The following GNPTAB variants were observed in gnomAD, a reference collection of about 807,000 sequenced individuals.
GNPTAB encodes the protein N-acetylglucosamine-1-phosphate transferase subunits alpha and beta.
GNPTAB carries 92 observed loss-of-function variants against 136.6 expected under a neutral mutation model. The observed-to-expected ratio is 0.67, with a 90% confidence interval of 0.57 to 0.80. GNPTAB has a LOEUF of 0.80. Among genes scored for constraint, GNPTAB ranks in the 30% least tolerant of loss-of-function variants. The probability of loss-of-function intolerance (pLI) is 0.00; values close to 1 mark genes in which losing one functional copy is unlikely to be tolerated. For missense variants in GNPTAB, 1,343 were observed against 1,501.8 expected, an observed-to-expected ratio of 0.89 and a Z score of 1.75; for synonymous variants, 512 against 535.1, an observed-to-expected ratio of 0.96 and a Z score of 0.60.
At chr12:101,814,454 T>C (rs1486617290) in intron 1 of GNPTAB, among the ~76,000 whole-genome samples, 1 of 152,126 alleles carries the variant, frequency 6.6e-6, no homozygotes, top group African/African-American at 2.4e-5. Flanking sequence ...TTCCCGCACT[T>C]TGGAAGCCGA....
In GNPTAB at chr12:101,817,866, C is replaced by G. The variant is rs56027102; in HGVS notation, c.117+12693G>C. ...TTGATGTGGGATTTTCACCCCGTCTCCTGTTGCCCGTTTTCCCCCACCTGC... is the reference window on the plus strand; with the variant it reads ...TTGATGTGGGATTTTCACCCCGTCTGCTGTTGCCCGTTTTCCCCCACCTGC... On this transcript the variant is annotated intron_variant, in intron 1 of 20. Transcript: ENST00000299314. Among the ~76,000 whole-genome samples, 1,353 of 152,252 alleles carry G rather than the reference C, an allele frequency of 8.9e-3. 25 individuals are homozygous for G. The highest frequency in any genetic ancestry group is 0.031 in the African/African-American group (1,275 of 41,560).
At chr12:101,762,357 A>C (rs138304022) in intron 13 of GNPTAB, among the ~76,000 whole-genome samples, 19 of 152,360 alleles carry the variant, frequency 1.2e-4, no homozygotes, top group African/African-American at 4.3e-4. Context: ...ACTGATATTA[A>C]CTGGTGTTGG....
chr12:101,775,689 G>A (rs1011315371), intron 7 of GNPTAB, among the ~76,000 whole-genome samples: 1 of 151,568 alleles, frequency 6.6e-6, no homozygotes. Context: ...ACGTCCTGGT[G>A]GTTTTCTAAA....
rs4403858 is a variant in GNPTAB at position 101,771,305 on chromosome 12, A to G, written c.772-148T>C. On this transcript the variant is annotated intron_variant, in intron 7 of 20. Transcript: ENST00000299314. Reference sequence around the variant, plus strand: ...TGTCGCCAGGCTGGAGCGCAGTGGCACGATCTCTGCTCACCTCAACCTCCG... The same window carrying G: ...TGTCGCCAGGCTGGAGCGCAGTGGCGCGATCTCTGCTCACCTCAACCTCCG... The G allele has an allele frequency of 0.58, 408,643 of 701,716 alleles. 123,357 individuals carry two copies. The highest frequency in any genetic ancestry group is 0.89 in the East Asian group (32,288 of 36,416). 43.5% of individuals were successfully genotyped at this position (701,716 alleles called of 1,614,324 possible). A position where few individuals can be genotyped will look rare whatever the true frequency, so the allele number is the denominator to read the frequency against.
At chr12:101,777,507 C>G (rs1350112589) in intron 7 of GNPTAB, among the ~76,000 whole-genome samples, 2 of 152,168 alleles carry the variant, frequency 1.3e-5, no homozygotes, top group African/African-American at 2.4e-5. Context: ...CAGGCTGTTC[C>G]CTCTACATAG....
chr12:101,790,808 C>A (rs1212021528), intron 2 of GNPTAB, among the ~76,000 whole-genome samples: 1 of 151,042 alleles, frequency 6.6e-6, no homozygotes, highest in Non-Finnish European at 1.5e-5. Context: ...CCTAACCCTA[C>A]TTAATGCTGT....
At position 101,794,036 on chromosome 12, in the gene GNPTAB, T is replaced by C. The variant is rs189548573; in HGVS notation, c.203+2641A>G. ...TTTTGTATTTTTGGTAGAGACGGGG[T>C]TTCACTATGTTGGCCAGGCTGGTCT... On this transcript the variant is annotated intron_variant, in intron 2 of 20. Transcript: ENST00000299314. Among the ~76,000 whole-genome samples, 665 of 152,130 alleles carry C rather than the reference T, an allele frequency of 4.4e-3. 2 individuals carry two copies. The highest frequency in any genetic ancestry group is 7.2e-3 in the Non-Finnish European group (492 of 67,996).
At chr12:101,787,015 G>C (rs1868687181) in intron 4 of GNPTAB, among the ~76,000 whole-genome samples, 1 of 152,090 alleles carries the variant, frequency 6.6e-6, no homozygotes, top group African/African-American at 2.4e-5. Context: ...AAAGCAAGTT[G>C]GTAATATATA....
chr12:101,790,347 G>A (rs1313823404), intron 2 of GNPTAB, among the ~76,000 whole-genome samples: 2 of 152,200 alleles, frequency 1.3e-5, no homozygotes, highest in South Asian at 2.1e-4. Flanking sequence ...AAGATTGTTC[G>A]TGGGTGAAGT....
chr12:101,815,047 C>T (rs1870446579), intron 1 of GNPTAB, among the ~76,000 whole-genome samples: 2 of 152,168 alleles, frequency 1.3e-5, no homozygotes, highest in South Asian at 2.1e-4. Flanking sequence ...TTGAAAACTG[C>T]TGGCAGCATC....
At chr12:101,762,458 C>A (rs1344774856) in intron 13 of GNPTAB, among the ~76,000 whole-genome samples, 6 of 152,118 alleles carry the variant, frequency 3.9e-5, no homozygotes, top group African/African-American at 1.2e-4. Flanking sequence ...AAAGTTTATA[C>A]CTGCTAAGCT....
chr12:101,768,310 A>G (rs1953124280), intron 10 of GNPTAB, 150 bp from the exon 11 acceptor site: 4 of 808,174 alleles, frequency 4.9e-6, no homozygotes, highest in Non-Finnish European at 7.9e-6. Context: ...AAGTGCTTTA[A>G]GTTTGCCTGT....
At chr12:101,820,017 T>C (rs1870714415) in intron 1 of GNPTAB, among the ~76,000 whole-genome samples, 1 of 152,156 alleles carries the variant, frequency 6.6e-6, no homozygotes, top group Non-Finnish European at 1.5e-5. Context: ...GCTCACAGGG[T>C]GGTCTCCTGT....
In GNPTAB at chr12:101,830,772, C is replaced by A. The variant is rs1871335324; in HGVS notation, c.-97G>T. 1 of 638,334 alleles carries A rather than the reference C, an allele frequency of 1.6e-6. No individual in the cohort carries two copies. The highest frequency in any genetic ancestry group is 2.0e-5 in the African/African-American group (1 of 51,250). 39.5% of individuals were successfully genotyped at this position (638,334 alleles called of 1,614,324 possible). On this transcript the variant is annotated 5_prime_UTR_variant, in exon 1 of 21. Coordinates refer to ENST00000299314, the MANE Select transcript of GNPTAB (RefSeq NM_024312.5). ...CGCCATTCAGGGGCCCCGGTCGGGC[C>A]GCCGCGCGCAGGTCACAGCCTCCGG...
chr12:101,793,273 A>G (rs573447190), intron 2 of GNPTAB, among the ~76,000 whole-genome samples: 42 of 152,238 alleles, frequency 2.8e-4, no homozygotes, highest in Admixed American at 1.1e-3. Flanking sequence ...CTCATTCCCA[A>G]CCTCCCAGGT....
intron 2 of GNPTAB, among the ~76,000 whole-genome samples, chr12:101,791,760 T>G (rs781694901): frequency 6.6e-6 from 1 of 152,196 alleles, no homozygotes; most frequent in Non-Finnish European, 1.5e-5. Context: ...GGAAAATAAA[T>G]GCTATTTGGT....
At chr12:101,749,838 C>T (rs1027833328) in intron 19 of GNPTAB, among the ~76,000 whole-genome samples, 2 of 152,168 alleles carry the variant, frequency 1.3e-5, no homozygotes, top group East Asian at 3.9e-4. Flanking sequence ...ATGGGGGGAA[C>T]TAAGCCAGGT....
At chr12:101,825,661 C>G (rs553909177) in intron 1 of GNPTAB, among the ~76,000 whole-genome samples, 2 of 150,176 alleles carry the variant, frequency 1.3e-5, no homozygotes, top group South Asian at 4.2e-4. Context: ...TAAAAAGGCT[C>G]TGTGTGGCCA....
chr12:101,804,566 A>G lies in GNPTAB; in HGVS notation c.118-7804T>C, dbSNP rs555510568. On this transcript the variant is annotated intron_variant, in intron 1 of 20. Coordinates refer to ENST00000299314, the MANE Select transcript of GNPTAB (RefSeq NM_024312.5). ...ATTCTACCTATGAGGGTAGACCTGC[A>G]CTGTCCAATATGGTATGTGGCCACA... Among the ~76,000 whole-genome samples the G allele has an allele frequency of 5.4e-4, 83 of 152,328 alleles. 1 individual carries two copies. The highest frequency in any genetic ancestry group is 3.4e-3 in the Middle Eastern group (1 of 294).
Sources: gnomAD v4.1 joint callset for allele counts (sites outside exome capture counted in the v4.1 genomes callset) on GRCh38, gnomAD v4.1.1 for gene constraint, MANE v1.5 for transcripts, NCBI Gene and HGNC (gene_info 2026-07-23, HGNC 2026-07-21) for gene names.